The following LIMS1 variants were observed in gnomAD, a reference collection of about 807,000 sequenced individuals.
LIMS1 encodes the protein LIM and senescent cell antigen-like-containing domain protein 1.
Under a neutral mutation model 44.1 loss-of-function variants are expected in LIMS1, and 18 were observed. The observed-to-expected ratio is 0.41, with a 90% CI of 0.28 to 0.61. The LOEUF (loss-of-function observed/expected upper bound fraction) is 0.61, where lower values mean the gene tolerates loss of function less well. Ranked by LOEUF, LIMS1 falls within the 20% of genes least tolerant of loss-of-function variation. LIMS1 has a pLI of 0.32. For missense variants in LIMS1, 201 were observed against 422.0 expected (o/e 0.48, Z 4.59); for synonymous variants, 93 against 149.1 (o/e 0.62, Z 2.74).
intron 1 of LIMS1, among the ~76,000 whole-genome samples, chr2:108,564,076 A>G (rs535357892): frequency 6.6e-6 from 1 of 151,858 alleles, no homozygotes; most frequent in South Asian, 2.1e-4. Flanking sequence ...AAAGGAAAGA[A>G]ACATTGTTTG....
chr2:108,622,535 CATT>C (rs1558814134), intron 1 of LIMS1, among the ~76,000 whole-genome samples: 3 of 152,152 alleles, frequency 2.0e-5, no homozygotes, highest in Admixed American at 1.3e-4. Context: ...TTGACACTAA[CATT>C]ATTAGAACTT....
chr2:108,620,224 A>C (rs1558813014), intron 1 of LIMS1, among the ~76,000 whole-genome samples: 1 of 152,182 alleles, frequency 6.6e-6, no homozygotes, highest in Non-Finnish European at 1.5e-5. Flanking sequence ...TCTCTCAGAG[A>C]TGGGAATAAC....
intron 2 of LIMS1, chr2:108,660,394 G>A (rs1691271235): frequency 4.5e-6 from 2 of 447,714 alleles, no homozygotes; most frequent in Admixed American, 2.7e-5. Context: ...AGTGTATTTG[G>A]TATTTTCAAC....
chr2:108,612,895 C>T (rs1687734002), intron 1 of LIMS1, among the ~76,000 whole-genome samples: 1 of 152,122 alleles, frequency 6.6e-6, no homozygotes, highest in Admixed American at 6.5e-5. Context: ...GTTAGGTTGT[C>T]AGTGTTGAGA....
intron 1 of LIMS1, among the ~76,000 whole-genome samples, chr2:108,636,880 C>T (rs908429920): frequency 2.0e-5 from 3 of 152,074 alleles, no homozygotes; most frequent in Non-Finnish European, 2.9e-5. Context: ...CTGGGAGATG[C>T]TGCTAGCCTG....
chr2:108,604,931 T>C (rs1303459327), intron 1 of LIMS1, among the ~76,000 whole-genome samples: 1 of 152,206 alleles, frequency 6.6e-6, no homozygotes, highest in African/African-American at 2.4e-5. Flanking sequence ...TGGAATCCAG[T>C]TGTCTGATGA....
intron 1 of LIMS1, among the ~76,000 whole-genome samples, chr2:108,559,478 T>G (rs1463606506): frequency 6.6e-6 from 1 of 152,238 alleles, no homozygotes; most frequent in Non-Finnish European, 1.5e-5. Flanking sequence ...ATTGCGGTCT[T>G]ATAATCAACT....
intron 1 of LIMS1, among the ~76,000 whole-genome samples, chr2:108,625,018 G>T (rs995482990): frequency 2.6e-5 from 4 of 152,210 alleles, no homozygotes; most frequent in Non-Finnish European, 5.9e-5. Context: ...GGCGGAGGTT[G>T]CAGTGAGCCG....
At chr2:108,623,668 C>T (rs1688391046) in intron 1 of LIMS1, among the ~76,000 whole-genome samples, 1 of 152,204 alleles carries the variant, frequency 6.6e-6, no homozygotes, top group Non-Finnish European at 1.5e-5. Context: ...ATTTTCTCTC[C>T]ATGAACAATT....
chr2:108,648,925 A>G (rs562161355), intron 1 of LIMS1, among the ~76,000 whole-genome samples: 18 of 152,358 alleles, frequency 1.2e-4, no homozygotes, highest in African/African-American at 3.1e-4. Flanking sequence ...AGGCATGGGC[A>G]AGGACTTCAT....
chr2:108,671,041 G>C, intron 3 of LIMS1, 194 bp downstream of exon 3: 1 of 641,282 alleles, frequency 1.6e-6, no homozygotes, highest in Non-Finnish European at 2.7e-6. Context: ...CATGGTGGCA[G>C]GTGCCAGTAA....
rs73952507 is a variant in LIMS1 at position 108,631,677 on chromosome 2, A to C, written c.33-27928A>C. Reference sequence around the variant, plus strand: ...CTGTCCCTAGTGGAAGAACATGTCAACCTGGATGTTGTCACACAGACTCCA... The same window carrying C: ...CTGTCCCTAGTGGAAGAACATGTCACCCTGGATGTTGTCACACAGACTCCA... On this transcript the variant is annotated intron_variant, in intron 1 of 9. Transcript: ENST00000544547. 5.2e-3 allele frequency among the ~76,000 whole-genome samples: 786 copies of C among 152,138 alleles called. 11 individuals carry two copies. The highest frequency in any genetic ancestry group is 0.018 in the African/African-American group (749 of 41,494).
intron 1 of LIMS1, among the ~76,000 whole-genome samples, chr2:108,596,191 T>C (rs1686673637): frequency 6.6e-6 from 1 of 152,266 alleles, no homozygotes; most frequent in African/African-American, 2.4e-5. Context: ...TCTCAGCTTA[T>C]TTCTAATTAG....
At chr2:108,662,727 A>T in intron 2 of LIMS1, 2 of 934,408 alleles carry the variant, frequency 2.1e-6, no homozygotes, top group Non-Finnish European at 2.6e-6. Context: ...TTGGAAACTT[A>T]CCCAGTTTGC....
In LIMS1 at chr2:108,551,756, C is replaced by T. The variant is rs184007833; in HGVS notation, c.32+17162C>T. Among the ~76,000 whole-genome samples the T allele has an allele frequency of 4.6e-3, 653 of 142,624 alleles. 4 individuals are homozygous for T. The highest frequency in any genetic ancestry group is 0.014 in the South Asian group (66 of 4,622). The allele number at this position is 142,624 out of a possible 152,430, so 93.6% of individuals were successfully genotyped here. ...ATATGATATACAATATACATACATA[C>T]CTATGTATATTGTATATCATATACA... On this transcript the variant is annotated intron_variant, in intron 1 of 9. Transcript: ENST00000544547.
chr2:108,594,050 C>G (rs942614229), intron 1 of LIMS1, among the ~76,000 whole-genome samples: 1 of 152,124 alleles, frequency 6.6e-6, no homozygotes, highest in Non-Finnish European at 1.5e-5. Flanking sequence ...CTACTGGTAA[C>G]AGCCCAAAGG....
intron 1 of LIMS1, among the ~76,000 whole-genome samples, chr2:108,635,403 G>A (rs1689170219): frequency 6.8e-6 from 1 of 147,476 alleles, no homozygotes; most frequent in Non-Finnish European, 1.5e-5. Flanking sequence ...ACTCCAGCCT[G>A]GGGGGAAAGA....
exon 5 of LIMS1, chr2:108,672,988 C>T (rs756696389): frequency 3.9e-4 from 510 of 1,319,192 alleles, no homozygotes; most frequent in South Asian, 1.5e-3. Flanking sequence ...TATTCAAGAA[C>T]GACCCCTACC....
At chr2:108,587,291 TGTGTGTGTGTG>T (rs764924100) in intron 1 of LIMS1, among the ~76,000 whole-genome samples, 2 of 81,536 alleles carry the variant, frequency 2.5e-5, no homozygotes, top group Non-Finnish European at 4.7e-5. Context: ...TCTTGGGGTT[TGTGTGTGTGTG>T]TGTGTGTGTG....
Sources: gnomAD v4.1 joint callset for allele counts (sites outside exome capture counted in the v4.1 genomes callset) on GRCh38, gnomAD v4.1.1 for gene constraint, MANE v1.5 for transcripts, NCBI Gene and HGNC (gene_info 2026-07-23, HGNC 2026-07-21) for gene names.